The following PDS5A variants were observed in gnomAD, a reference collection of about 807,000 sequenced individuals.
The protein encoded by PDS5A is PDS5 cohesin associated factor A.
A neutral mutation model predicts 167.1 loss-of-function variants in PDS5A; 42 were observed. That is an observed-to-expected ratio of 0.25 (90% CI 0.20 to 0.33). PDS5A has a LOEUF of 0.33. PDS5A is among the 10% of genes least tolerant of loss of function. PDS5A has a pLI of 1.00. For synonymous variants in PDS5A, 553 were observed against 554.6 expected (o/e 1.00, Z 0.04); for missense variants, 1,033 against 1,605.9 (o/e 0.64, Z 6.10).
intron 13 of PDS5A, among the ~76,000 whole-genome samples, chr4:39,901,093 T>G (rs1262522158): frequency 6.6e-6 from 1 of 152,176 alleles, no homozygotes. Flanking sequence ...CATCCATATT[T>G]CCAGGTGCCC....
chr4:39,916,797 C>T (rs762630468), intron 8 of PDS5A, among the ~76,000 whole-genome samples: 1 of 151,338 alleles, frequency 6.6e-6, no homozygotes, highest in Non-Finnish European at 1.5e-5. Flanking sequence ...ACCTGGGGGG[C>T]AAAGGTTGCA....
rs772446235 is a variant in PDS5A at position 39,838,152 on chromosome 4, T to G, written c.3714A>C (p.Lys1238Asn). Residue 1238 changes from lysine (K) to asparagine (N), a missense_variant, in exon 32 of 33, where the codon AAA becomes AAC. Around this residue, in one of 4 missense-constraint regions of PDS5A, gnomAD observed 233 missense variants for 264.0 expected, o/e 0.88. Transcript: ENST00000303538. ...QGNISSDRGK[K>N]RTVTAAGAEN... is the part of the protein sequence containing the mutation. ...CTGCACCAGCTGCTGTTACTGTTCT[T>G]TTCTTTCCTCGGTCACTGCTGATGT... 1.2e-6 allele frequency: 2 copies of G among 1,613,354 alleles called. No individual in the cohort carries two copies. Among genetic ancestry groups the G allele is most frequent in the East Asian group, 2.2e-5 (1 of 44,896 alleles).
At chr4:39,854,012 G>A (rs1258976744) in intron 26 of PDS5A, among the ~76,000 whole-genome samples, 1 of 152,136 alleles carries the variant, frequency 6.6e-6, no homozygotes, top group Non-Finnish European at 1.5e-5. Context: ...TGTAAAATGG[G>A]AACAACAGGA....
intron 2 of PDS5A, among the ~76,000 whole-genome samples, chr4:39,968,374 T>G (rs1449373480): frequency 2.0e-5 from 3 of 148,674 alleles, no homozygotes; most frequent in African/African-American, 7.3e-5. Context: ...AGATGGAGTT[T>G]CGCTCTTGTT....
At position 39,825,402 on chromosome 4, in the gene PDS5A, G is replaced by A. The variant is rs907996304; in HGVS notation, c.*83C>T. 6.2e-6 allele frequency: 7 copies of A among 1,127,150 alleles called. 1 individual carries two copies. Among genetic ancestry groups the A allele is most frequent in the Middle Eastern group, 2.0e-4 (1 of 5,126 alleles). The allele number at this position is 1,127,150 out of a possible 1,614,324, so 69.8% of individuals were successfully genotyped here. ...TGAAGTGAGCTTCATTTTCTGTTCA[G>A]GGACATTTGTGAATCCAAGTTTTTG... On this transcript the variant is annotated 3_prime_UTR_variant, in exon 33 of 33. Coordinates refer to ENST00000303538, the MANE Select transcript of PDS5A (RefSeq NM_001100399.2).
In PDS5A at chr4:39,898,770, T is replaced by C. The variant is rs1722633412; in HGVS notation, c.1630+7A>G. On this transcript the variant is annotated splice_region_variant and intron_variant, in intron 15 of 32. Transcript: ENST00000303538. ...TACATGTTTAGTGAGTAAATAAACA[T>C]ACTCACTTGCTATGGTCATCAGTTT... The C allele has an allele frequency of 3.2e-6, 5 of 1,552,972 alleles. No homozygotes were observed. The highest frequency in any genetic ancestry group is 2.3e-5 in the East Asian group (1 of 44,156).
chr4:39,906,159 G>A (rs961618634), intron 11 of PDS5A, among the ~76,000 whole-genome samples: 11 of 152,184 alleles, frequency 7.2e-5, no homozygotes, highest in Admixed American at 7.2e-4. Context: ...CTTGAGCCCA[G>A]AAGTTCGAGA....
At chr4:39,918,521 G>GT (rs1560482800) in intron 7 of PDS5A, among the ~76,000 whole-genome samples, 1 of 152,142 alleles carries the variant, frequency 6.6e-6, no homozygotes, top group Non-Finnish European at 1.5e-5. Flanking sequence ...ACTTCTGGTA[G>GT]TATCATAAGT....
chr4:39,973,922 G>A (rs1264006538), intron 2 of PDS5A: 7 of 606,420 alleles, frequency 1.2e-5, no homozygotes, highest in African/African-American at 5.6e-5. Context: ...TCAGGAGATC[G>A]AGACCATCCT....
In PDS5A at chr4:39,879,688, C is replaced by T. The variant is rs770042571; in HGVS notation, c.1992+40G>A. The stretch of plus-strand genomic sequence containing the variant: ...TCCTGAAGGGAAGGCAAATTATGAC[C>T]CCACGGAAATACATGGCAACAAAAC... On this transcript the variant is annotated intron_variant, in intron 18 of 32. Transcript: ENST00000303538. 7 of 1,202,146 alleles carry T rather than the reference C, an allele frequency of 5.8e-6. No individual in the cohort carries two copies. The South Asian group carries it at 6.1e-5, about 10-fold the overall frequency. The allele number at this position is 1,202,146 out of a possible 1,614,324, so 74.5% of individuals were successfully genotyped here.
chr4:39,888,412 T>G (rs1721672900), intron 17 of PDS5A, among the ~76,000 whole-genome samples: 1 of 151,976 alleles, frequency 6.6e-6, no homozygotes, highest in Admixed American at 6.6e-5. Flanking sequence ...TAAAACTGGA[T>G]CTACCATATG....
chr4:39,849,716 T>C lies in PDS5A; in HGVS notation c.3087-64A>G, dbSNP rs573731738. 1.4e-3 allele frequency: 1,547 copies of C among 1,086,530 alleles called. 1 individual carries two copies. Among genetic ancestry groups the C allele is most frequent in the Non-Finnish European group, 1.8e-3 (1,357 of 744,938 alleles). The allele number at this position is 1,086,530 out of a possible 1,614,324, so 67.3% of individuals were successfully genotyped here. A position where few individuals can be genotyped will look rare whatever the true frequency, so the allele number is the denominator to read the frequency against. On this transcript the variant is annotated intron_variant, in intron 26 of 32. Transcript: ENST00000303538. ...ATGCTTTAGCTTAAAGCAATAAATA[T>C]GTTAGCTGGGAATTTCTGTTGTCTG... is the stretch of plus-strand genomic sequence containing the variant.
intron 11 of PDS5A, among the ~76,000 whole-genome samples, chr4:39,906,917 T>TAAAATAAAAAAAAAAAAAAA (rs1320189136): frequency 1.9e-5 from 1 of 54,034 alleles, no homozygotes; most frequent in African/African-American, 6.2e-5. Context: ...ATTTCTTACA[T>TAAAATAAAAAAAAAAAAAAA]AAAAAAAAAA....
At chr4:39,842,937 AT>A (rs1553888385) in intron 30 of PDS5A, among the ~76,000 whole-genome samples, 2 of 139,728 alleles carry the variant, frequency 1.4e-5, no homozygotes, top group East Asian at 4.2e-4. Context: ...ATATATATAT[AT>A]TTTAAGAGAC....
At chr4:39,928,203 G>A (rs1383624195) in intron 2 of PDS5A, 39 bp from the exon 3 acceptor site, 4 of 1,355,166 alleles carry the variant, frequency 3.0e-6, no homozygotes, top group South Asian at 1.3e-5. Flanking sequence ...ATTAACTCCT[G>A]GAATTTAGAA....
chr4:39,920,256 ATAAAT>A, intron 7 of PDS5A, 58 bp downstream of exon 7: 2 of 717,556 alleles, frequency 2.8e-6, no homozygotes, highest in Non-Finnish European at 4.7e-6. Context: ...AGAGGTTCTA[ATAAAT>A]TAATACAATG....
chr4:39,886,964 T>C (rs1721532498), intron 17 of PDS5A, among the ~76,000 whole-genome samples: 1 of 152,092 alleles, frequency 6.6e-6, no homozygotes, highest in East Asian at 1.9e-4. Context: ...TTTTGTATGT[T>C]GATTTTGTAT....
chr4:39,973,663 C>T, intron 2 of PDS5A: 1 of 1,297,576 alleles, frequency 7.7e-7, no homozygotes, highest in Non-Finnish European at 1.1e-6. Flanking sequence ...GGCCACAAAA[C>T]CATCGTATGT....
At chr4:39,842,189 T>A (rs1250356838) in intron 30 of PDS5A, 133 bp from the exon 31 acceptor site, 1 of 617,660 alleles carries the variant, frequency 1.6e-6, no homozygotes, top group Admixed American at 2.9e-5. Flanking sequence ...AAGATTCGGA[T>A]ACTCTGTAGT....
Sources: allele counts gnomAD v4.1 joint callset (sites outside exome capture counted in the v4.1 genomes callset), GRCh38; gene constraint gnomAD v4.1.1; regional missense constraint gnomAD v4.1.1; transcripts MANE v1.5; gene names NCBI Gene and HGNC (gene_info 2026-07-23, HGNC 2026-07-21).